Variants in MAP3K21 observed in about 807,000 individuals in gnomAD.
MAP3K21 encodes mitogen-activated protein kinase kinase kinase 21.
MAP3K21 carries 63 observed loss-of-function variants against 86.1 expected under a neutral mutation model. That is an observed-to-expected ratio of 0.73 (90% CI 0.60 to 0.90). MAP3K21 has a LOEUF of 0.90. Among genes scored for constraint, MAP3K21 ranks in the 40% least tolerant of loss-of-function variants. The pLI is 0.00. For synonymous variants in MAP3K21, 558 were observed against 564.8 expected (o/e 0.99, Z 0.17); for missense variants, 1,220 against 1,367.7 (o/e 0.89, Z 1.70).
At chr1:233,360,494 A>G (rs10910136) in intron 4 of MAP3K21, among the ~76,000 whole-genome samples, 56,378 of 152,028 alleles carry the variant, frequency 0.37, 10,766 homozygotes, top group East Asian at 0.52. Context: ...ATTTGTTTCA[A>G]GAAATAAATT....
intron 1 of MAP3K21, among the ~76,000 whole-genome samples, chr1:233,344,736 C>A (rs1448705851): frequency 6.6e-6 from 1 of 152,176 alleles, no homozygotes; most frequent in Non-Finnish European, 1.5e-5. Flanking sequence ...CAAATGGGAT[C>A]TAATTAAACC....
chr1:233,329,333 CT>C (rs1264444406), intron 1 of MAP3K21, among the ~76,000 whole-genome samples: 1 of 152,112 alleles, frequency 6.6e-6, no homozygotes, highest in Non-Finnish European at 1.5e-5. Context: ...TGTCTCTTAC[CT>C]TTTCCAAAGA....
intron 1 of MAP3K21, among the ~76,000 whole-genome samples, chr1:233,344,305 G>A (rs942370134): frequency 6.6e-6 from 1 of 152,118 alleles, no homozygotes; most frequent in African/African-American, 2.4e-5. Context: ...AAAACTGGAG[G>A]CATCACACTA....
intron 2 of MAP3K21, among the ~76,000 whole-genome samples, chr1:233,347,883 TA>T (rs1663180331): frequency 6.6e-6 from 1 of 152,060 alleles, no homozygotes. Flanking sequence ...GAATCTGAAA[TA>T]AAAGTTGAGA....
intron 5 of MAP3K21, among the ~76,000 whole-genome samples, chr1:233,368,862 G>A (rs1455938281): frequency 6.6e-6 from 1 of 152,092 alleles, no homozygotes; most frequent in Non-Finnish European, 1.5e-5. Flanking sequence ...CAGTACTAGG[G>A]GTGATTATAA....
In MAP3K21 at chr1:233,379,190, C is replaced by T. The variant is rs146679072; in HGVS notation, c.2184C>T (p.Val728=). 62 of 1,614,090 alleles carry T rather than the reference C, an allele frequency of 3.8e-5. No homozygotes were observed. The highest frequency in any genetic ancestry group is 3.8e-4 in the Admixed American group (23 of 60,004). Residue 728 remains valine, a synonymous_variant, in exon 9 of 10, where the codon GTC becomes GTT. Coordinates refer to ENST00000366624, the MANE Select transcript of MAP3K21 (RefSeq NM_032435.3). ...AGTCAGCTCTGTATGGGTGCACCGT[C>T]CTTCTGGCATCGGTGGCTCTGGGAC... ...KTESALYGCT[V]LLASVALGLD...
rs1312772388 is a variant in MAP3K21, at chr1:233,379,200, T to A, written c.2194T>A (p.Ser732Thr). The part of the protein sequence containing the change: ...ALYGCTVLLA[S>T]VALGLDLREL... ...GTATGGGTGCACCGTCCTTCTGGCATCGGTGGCTCTGGGACTGGACCTCAG... is the reference window on the plus strand; with the variant it reads ...GTATGGGTGCACCGTCCTTCTGGCAACGGTGGCTCTGGGACTGGACCTCAG... The change falls in exon 9 of 10, where the codon TCG becomes ACG. Residue 732 changes from serine (S) to threonine (T), a missense_variant. Coordinates refer to ENST00000366624, the MANE Select transcript of MAP3K21 (RefSeq NM_032435.3). 3.7e-6 allele frequency: 6 copies of A among 1,614,050 alleles called. No homozygotes were observed. The Middle Eastern group carries it at 4.9e-4, about 133-fold the overall frequency.
chr1:233,378,810 G>A (rs1663847475), intron 8 of MAP3K21, 121 bp from the exon 9 acceptor site: 1 of 734,916 alleles, frequency 1.4e-6, no homozygotes, highest in Non-Finnish European at 2.2e-6. Flanking sequence ...AATGAAAAGG[G>A]CTGCATGTGT....
At chr1:233,376,401 T>C (rs1449980604) in intron 7 of MAP3K21, 29 bp from the exon 8 acceptor site, 22 of 1,507,942 alleles carry the variant, frequency 1.5e-5, no homozygotes, top group Non-Finnish European at 1.9e-5. Flanking sequence ...TGCTTCTATC[T>C]TATGAAAAGA....
chr1:233,328,808 G>A lies in MAP3K21; in HGVS notation c.780G>A (p.Leu260=). ...YLHEEAFVPI[L]HRDLKSSNIL... ...ATGAGGAGGCCTTCGTGCCCATCCT[G>A]CACCGGGACCTCAAGTCCAGCAACA... The change falls in exon 1 of 10, where the codon CTG becomes CTA. Residue 260 remains leucine (L), a synonymous_variant. Transcript: ENST00000366624. The surrounding 1 kb of genome is among the most constrained non-coding windows in gnomAD (Gnocchi z 8.7). 2.0e-6 allele frequency: 3 copies of A among 1,537,594 alleles called. No homozygotes were observed. Among genetic ancestry groups the A allele is most frequent in the Admixed American group, 1.9e-5 (1 of 51,458 alleles).
At chr1:233,331,806 T>G (rs565610261) in intron 1 of MAP3K21, among the ~76,000 whole-genome samples, 10 of 152,342 alleles carry the variant, frequency 6.6e-5, no homozygotes, top group Non-Finnish European at 1.2e-4. Context: ...TGTGAGGGAA[T>G]GTCTGTGTCT....
chr1:233,358,850 C>A (rs748285713), intron 4 of MAP3K21, among the ~76,000 whole-genome samples: 8 of 152,038 alleles, frequency 5.3e-5, no homozygotes, highest in Non-Finnish European at 1.0e-4. Context: ...CACTCTGTTA[C>A]CCAGGTTGCA....
At chr1:233,369,630 A>G (rs1376915152) in intron 5 of MAP3K21, among the ~76,000 whole-genome samples, 1 of 152,260 alleles carries the variant, frequency 6.6e-6, no homozygotes, top group Non-Finnish European at 1.5e-5. Flanking sequence ...AATGCTTGAA[A>G]AAAATCAAAG....
At chr1:233,380,210 A>G (rs1663888078) in intron 9 of MAP3K21, among the ~76,000 whole-genome samples, 1 of 152,208 alleles carries the variant, frequency 6.6e-6, no homozygotes, top group Non-Finnish European at 1.5e-5. Context: ...CTCATTGTCC[A>G]GCAGTTCCAG....
At position 233,378,962 on chromosome 1, in the gene MAP3K21, T is replaced by G. The variant is rs770070247; in HGVS notation, c.1956T>G (p.Asp652Glu). The change falls in exon 9 of 10, where the codon GAT (aspartate) becomes GAG (glutamate). Residue 652 changes from aspartate (D) to glutamate (E), a missense_variant. Asp to Glu is a conservative substitution (Grantham distance 45). Transcript: ENST00000366624. ...GTGAAGAGCCAAAACTTTCCCCTGATGGATTAGAACACAGAAAACCAAAAC... is the reference window on the plus strand; with the variant it reads ...GTGAAGAGCCAAAACTTTCCCCTGAGGGATTAGAACACAGAAAACCAAAAC... The part of the protein sequence containing the change: ...GSCEEPKLSP[D>E]GLEHRKPKQI... The G allele has an allele frequency of 5.0e-6, 8 of 1,613,126 alleles. No individual in the cohort carries two copies. The highest frequency in any genetic ancestry group is 5.9e-6 in the Non-Finnish European group (7 of 1,179,418).
At chr1:233,370,056 A>G (rs1663655284) in intron 5 of MAP3K21, among the ~76,000 whole-genome samples, 1 of 152,182 alleles carries the variant, frequency 6.6e-6, no homozygotes, top group African/African-American at 2.4e-5. Flanking sequence ...GGCTGCTGTG[A>G]AGTGGACTTG....
intron 1 of MAP3K21, among the ~76,000 whole-genome samples, chr1:233,333,142 G>A (rs1016499274): frequency 6.6e-6 from 1 of 152,172 alleles, no homozygotes; most frequent in Non-Finnish European, 1.5e-5. Flanking sequence ...TATGGAAAAT[G>A]TAATCTCCAG....
chr1:233,375,233 C>T (rs1342866939), intron 6 of MAP3K21, among the ~76,000 whole-genome samples: 4 of 152,040 alleles, frequency 2.6e-5, no homozygotes, highest in East Asian at 1.9e-4. Flanking sequence ...TGAGCCATGG[C>T]GCCTGGCCCC....
rs181836001 is a variant in MAP3K21 at position 233,384,361 on chromosome 1, C to T, written c.*1650C>T. 3.3e-5 allele frequency: 5 copies of T among 152,282 alleles called. No individual in the cohort carries two copies. Among genetic ancestry groups the T allele is most frequent in the African/African-American group, 7.2e-5 (3 of 41,560 alleles). The allele number at this position is 152,282 out of a possible 1,614,324, so 9.4% of individuals were successfully genotyped here. On this transcript the variant is annotated 3_prime_UTR_variant, in exon 10 of 10. Coordinates refer to ENST00000366624, the MANE Select transcript of MAP3K21 (RefSeq NM_032435.3). ...ATGGTAAGTTTTGCCCTAAGGAAAA[C>T]GATCTTGCATTCTGGATTCTTGCAG...
Sources: gnomAD v4.1 joint callset for allele counts (sites outside exome capture counted in the v4.1 genomes callset) on GRCh38, gnomAD v4.1.1 for gene constraint, Gnocchi (gnomAD v3.1) non-coding constraint, MANE v1.5 for transcripts, NCBI Gene and HGNC (gene_info 2026-07-23, HGNC 2026-07-21) for gene names.